The following PDE4D variants were observed in gnomAD, a reference collection of about 807,000 sequenced individuals.
PDE4D encodes 3',5'-cyclic-AMP phosphodiesterase 4D.
In PDE4D, 24 loss-of-function variants were observed where a neutral mutation model predicts 87.4. The observed-to-expected ratio is 0.27, with a 90% CI of 0.20 to 0.39. PDE4D has a LOEUF of 0.39. Among genes scored for constraint, PDE4D ranks in the 10% least tolerant of loss-of-function variants. The pLI is 1.00. For missense variants in PDE4D, 714 were observed against 1,041.0 expected (o/e 0.69, Z 4.32); for synonymous variants, 384 against 383.2 (o/e 1.00, Z -0.02).
At chr5:59,830,935 C>T (rs990852315) in intron 1 of PDE4D, among the ~76,000 whole-genome samples, 1 of 151,928 alleles carries the variant, frequency 6.6e-6, no homozygotes, top group African/African-American at 2.4e-5. Context: ...ATCCCTGTAG[C>T]ACAATTTAGT....
intron 1 of PDE4D, among the ~76,000 whole-genome samples, chr5:60,298,492 C>T (rs749143269): frequency 2.6e-5 from 4 of 152,068 alleles, no homozygotes; most frequent in Non-Finnish European, 5.9e-5. Flanking sequence ...TATGGAAAAA[C>T]AATTACTATA....
chr5:60,051,436 TACTGGGTA>T (rs1358092362), intron 2 of PDE4D, among the ~76,000 whole-genome samples: 14 of 152,194 alleles, frequency 9.2e-5, no homozygotes, highest in African/African-American at 3.1e-4. Context: ...CCTGAATGAC[TACTGGGTA>T]AATAATGAAA....
chr5:60,094,662 A>T (rs558610595), intron 2 of PDE4D, among the ~76,000 whole-genome samples: 1 of 147,774 alleles, frequency 6.8e-6, no homozygotes, highest in Non-Finnish European at 1.5e-5. Flanking sequence ...ATGGAAGACA[A>T]TGTGAAGAGA....
At chr5:59,513,923 G>C (rs76339284) in intron 1 of PDE4D, among the ~76,000 whole-genome samples, 5,020 of 152,186 alleles carry the variant, frequency 0.033, 261 homozygotes, top group African/African-American at 0.11. Context: ...GCGAAAGTCA[G>C]TATACTAGGG....
intron 5 of PDE4D, among the ~76,000 whole-genome samples, chr5:59,117,772 T>C (rs1773845195): frequency 6.6e-6 from 1 of 151,370 alleles, no homozygotes; most frequent in South Asian, 2.1e-4. Context: ...ATTTGCACCA[T>C]GGCCATAGAC....
chr5:59,386,065 G>A (rs776769886), intron 1 of PDE4D, among the ~76,000 whole-genome samples: 5 of 152,126 alleles, frequency 3.3e-5, no homozygotes, highest in Non-Finnish European at 5.9e-5. Context: ...AGGATGTGGG[G>A]AGGCAGCCTT....
intron 1 of PDE4D, among the ~76,000 whole-genome samples, chr5:60,413,368 T>C (rs1742200358): frequency 1.3e-5 from 2 of 152,206 alleles, no homozygotes; most frequent in South Asian, 4.1e-4. Flanking sequence ...ATCCCTTGCA[T>C]GCATATTGCT....
At chr5:59,462,029 C>T (rs986047811) in intron 1 of PDE4D, among the ~76,000 whole-genome samples, 1 of 152,130 alleles carries the variant, frequency 6.6e-6, no homozygotes, top group Admixed American at 6.6e-5. Flanking sequence ...GTATTCTTAG[C>T]TATTCTATGA....
intron 3 of PDE4D, among the ~76,000 whole-genome samples, chr5:59,967,989 T>TC (rs1760248009): frequency 7.0e-6 from 1 of 142,468 alleles, no homozygotes; most frequent in Admixed American, 7.0e-5. Context: ...TTTTTTTTTT[T>TC]TTTTTTTTTT....
At chr5:60,031,058 G>C (rs1767188250) in intron 2 of PDE4D, 2 of 152,248 alleles carry the variant, frequency 1.3e-5, no homozygotes, top group South Asian at 2.1e-4. Context: ...GAATAATGTA[G>C]GACCTAAAAG....
At chr5:60,236,058 A>G (rs1746391361) in intron 1 of PDE4D, among the ~76,000 whole-genome samples, 1 of 151,938 alleles carries the variant, frequency 6.6e-6, no homozygotes, top group East Asian at 1.9e-4. Context: ...TTAAATAGAT[A>G]AAATAAATCT....
intron 5 of PDE4D, among the ~76,000 whole-genome samples, chr5:59,160,047 T>G (rs1346371373): frequency 1.3e-5 from 2 of 152,208 alleles, no homozygotes; most frequent in African/African-American, 4.8e-5. Flanking sequence ...CAAAAATGAT[T>G]TAATTACATT....
chr5:60,014,260 C>A (rs1182625938), intron 2 of PDE4D, among the ~76,000 whole-genome samples: 1 of 152,096 alleles, frequency 6.6e-6, no homozygotes, highest in East Asian at 1.9e-4. Flanking sequence ...CTAAATGTAG[C>A]CACGTAAGTG....
intron 2 of PDE4D, among the ~76,000 whole-genome samples, chr5:60,040,038 T>G (rs1768287193): frequency 6.6e-6 from 1 of 152,242 alleles, no homozygotes; most frequent in African/African-American, 2.4e-5. Flanking sequence ...CTGGAAACAC[T>G]TCCTTTTCAA....
chr5:59,497,434 A>C (rs1807423946), intron 1 of PDE4D, among the ~76,000 whole-genome samples: 1 of 152,012 alleles, frequency 6.6e-6, no homozygotes, highest in Non-Finnish European at 1.5e-5. Context: ...ATCCAACACA[A>C]AGAAGCCAGA....
intron 1 of PDE4D, among the ~76,000 whole-genome samples, chr5:59,787,690 G>A (rs1250078159): frequency 2.0e-5 from 3 of 152,154 alleles, no homozygotes; most frequent in Non-Finnish European, 4.4e-5. Context: ...CTTTTGAAGT[G>A]ATTACTAGAA....
At chr5:60,504,289 A>G (rs1750227411) in intron 1 of PDE4D, among the ~76,000 whole-genome samples, 1 of 151,282 alleles carries the variant, frequency 6.6e-6, no homozygotes, top group Non-Finnish European at 1.5e-5. Context: ...ATGATCTTGC[A>G]TATAGCTTTT....
intron 2 of PDE4D, among the ~76,000 whole-genome samples, chr5:60,004,576 T>G (rs776454889): frequency 3.3e-5 from 5 of 152,034 alleles, no homozygotes; most frequent in Non-Finnish European, 7.4e-5. Flanking sequence ...AAGGGCTGAG[T>G]GTACCTGATA....
At chr5:60,512,368 C>G (rs1445691784) in intron 1 of PDE4D, among the ~76,000 whole-genome samples, 1 of 152,088 alleles carries the variant, frequency 6.6e-6, no homozygotes, top group Non-Finnish European at 1.5e-5. Context: ...TGGACCAACC[C>G]TTAGTCTATA....
Sources: allele counts gnomAD v4.1 joint callset (sites outside exome capture counted in the v4.1 genomes callset), GRCh38; gene constraint gnomAD v4.1.1; transcripts MANE v1.5; gene names NCBI Gene and HGNC (gene_info 2026-07-23, HGNC 2026-07-21).